Variants in MAMDC2 observed in about 807,000 individuals in gnomAD.
MAMDC2 encodes MAM domain-containing protein 2.
MAMDC2 carries 57 observed loss-of-function variants against 89.8 expected under a neutral mutation model. The observed-to-expected ratio is 0.63, with a 90% CI of 0.51 to 0.79. The LOEUF (loss-of-function observed/expected upper bound fraction) is 0.79. Among genes scored for constraint, MAMDC2 ranks in the 30% least tolerant of loss-of-function variants. The probability of loss-of-function intolerance (pLI) is 0.00; values close to 1 mark genes in which losing one functional copy is unlikely to be tolerated. For missense variants in MAMDC2, 800 were observed against 820.6 expected, an observed-to-expected ratio of 0.97 and a Z score of 0.31; for synonymous variants, 313 against 293.4, an observed-to-expected ratio of 1.07 and a Z score of -0.68.
chr9:70,186,967 A>G (rs2032769922), intron 11 of MAMDC2, among the ~76,000 whole-genome samples: 1 of 152,038 alleles, frequency 6.6e-6, no homozygotes, highest in Non-Finnish European at 1.5e-5. Flanking sequence ...TGACCCAAAC[A>G]TCTCCCACTA....
intron 7 of MAMDC2, among the ~76,000 whole-genome samples, chr9:70,138,031 A>C (rs1409666159): frequency 6.6e-6 from 1 of 152,100 alleles, no homozygotes. Flanking sequence ...CCCATTAAGT[A>C]ATTTCTTACC....
intron 2 of MAMDC2, among the ~76,000 whole-genome samples, chr9:70,082,394 A>C (rs1425105541): frequency 1.3e-5 from 2 of 152,150 alleles, no homozygotes; most frequent in African/African-American, 4.8e-5. Flanking sequence ...TTAGGTAAAA[A>C]AACTCTTTTA....
chr9:70,063,578 TTAGA>T (rs1490570834), intron 2 of MAMDC2, among the ~76,000 whole-genome samples: 2 of 152,216 alleles, frequency 1.3e-5, no homozygotes, highest in African/African-American at 2.4e-5. Context: ...AACTAAGTAT[TTAGA>T]TAGACATCTT....
chr9:70,182,385 G>A lies in MAMDC2; in HGVS notation c.1651+11754G>A, dbSNP rs189254759. On this transcript the variant is annotated intron_variant, in intron 11 of 13. Transcript: ENST00000377182. ...CCGGCCTCATAAAATGAATTAGGGA[G>A]GAGTCTCTCTTTTTCTATTGCTTGG... 1.8e-4 allele frequency among the ~76,000 whole-genome samples: 27 copies of A among 152,228 alleles called. 1 individual carries two copies. The highest frequency in any genetic ancestry group is 2.6e-4 in the Non-Finnish European group (18 of 68,020).
chr9:70,113,270 A>G (rs1442162492), intron 5 of MAMDC2, 138 bp downstream of exon 5: 2 of 924,268 alleles, frequency 2.2e-6, no homozygotes, highest in East Asian at 5.3e-5. Flanking sequence ...ACTAAGTAGG[A>G]ACCAGGAGGT....
Position 70,069,955 on chromosome 9 carries a change from C to T in MAMDC2, c.148+25258C>T, listed in dbSNP as rs529071281. On this transcript the variant is annotated intron_variant, in intron 2 of 13. Coordinates refer to ENST00000377182, the MANE Select transcript of MAMDC2 (RefSeq NM_153267.5). Reference sequence around the variant, plus strand: ...CAGTCTCAATGTGTCTTTTTGCAACCCTGCCTGAAACTGCTCCAAGATCCC... The same window carrying T: ...CAGTCTCAATGTGTCTTTTTGCAACTCTGCCTGAAACTGCTCCAAGATCCC... Among the ~76,000 whole-genome samples the T allele has an allele frequency of 8.5e-5, 13 of 152,196 alleles. No homozygotes were observed. The East Asian group carries it at 2.5e-3, about 29-fold the overall frequency.
chr9:70,185,309 T>G (rs938654500), intron 11 of MAMDC2, among the ~76,000 whole-genome samples: 2 of 152,088 alleles, frequency 1.3e-5, no homozygotes, highest in African/African-American at 4.8e-5. Flanking sequence ...CTGTAAGAGG[T>G]GTCTGTCGGT....
chr9:70,120,222 T>G (rs2030223120), intron 5 of MAMDC2, among the ~76,000 whole-genome samples: 1 of 152,208 alleles, frequency 6.6e-6, no homozygotes, highest in Non-Finnish European at 1.5e-5. Context: ...TGCCTTTAGA[T>G]GTATGCACCA....
chr9:70,194,550 C>T (rs1173229193), intron 11 of MAMDC2: 1 of 152,050 alleles, frequency 6.6e-6, no homozygotes, highest in Non-Finnish European at 1.5e-5. Context: ...TTACCAGCCT[C>T]CAAAACTGTA....
chr9:70,169,395 T>A (rs900594948), intron 10 of MAMDC2, among the ~76,000 whole-genome samples: 1 of 152,206 alleles, frequency 6.6e-6, no homozygotes, highest in Non-Finnish European at 1.5e-5. Context: ...CATTGCATCC[T>A]ACATCATAGG....
chr9:70,069,708 T>C (rs1320559225), intron 2 of MAMDC2, among the ~76,000 whole-genome samples: 1 of 152,184 alleles, frequency 6.6e-6, no homozygotes, highest in East Asian at 1.9e-4. Flanking sequence ...ATATTTAGCA[T>C]TGGTCCCTAT....
intron 2 of MAMDC2, among the ~76,000 whole-genome samples, chr9:70,048,500 T>C (rs1178804421): frequency 6.6e-6 from 1 of 152,154 alleles, no homozygotes; most frequent in Non-Finnish European, 1.5e-5. Flanking sequence ...GATTTCACCA[T>C]GTTGGCCAGG....
intron 11 of MAMDC2, among the ~76,000 whole-genome samples, chr9:70,218,109 A>G (rs2033483153): frequency 6.6e-6 from 1 of 152,236 alleles, no homozygotes; most frequent in Non-Finnish European, 1.5e-5. Context: ...TACCTCTTGT[A>G]TATTAAACTG....
At chr9:70,143,942 C>T in intron 9 of MAMDC2, 123 bp downstream of exon 9, 2 of 1,113,660 alleles carry the variant, frequency 1.8e-6, no homozygotes, top group Non-Finnish European at 2.6e-6. Context: ...TACGGCCTCA[C>T]CCTTACACCC....
At chr9:70,185,717 G>A (rs2032741162) in intron 11 of MAMDC2, among the ~76,000 whole-genome samples, 2 of 152,124 alleles carry the variant, frequency 1.3e-5, no homozygotes, top group African/African-American at 2.4e-5. Flanking sequence ...CAGTAATGAC[G>A]GATGCTCCTC....
chr9:70,200,303 T>C (rs550694970), intron 11 of MAMDC2, among the ~76,000 whole-genome samples: 2 of 148,956 alleles, frequency 1.3e-5, no homozygotes, highest in Admixed American at 6.7e-5. Flanking sequence ...ATTTATTAAA[T>C]AGGGAATCCT....
chr9:70,116,906 A>G (rs1264907431), intron 5 of MAMDC2, among the ~76,000 whole-genome samples: 1 of 151,618 alleles, frequency 6.6e-6, no homozygotes, highest in African/African-American at 2.4e-5. Context: ...CCCTCTCTCT[A>G]TTTTCCCATT....
intron 2 of MAMDC2, among the ~76,000 whole-genome samples, chr9:70,064,269 C>T (rs1287446909): frequency 1.3e-5 from 2 of 151,994 alleles, no homozygotes; most frequent in African/African-American, 2.4e-5. Context: ...CCCCATCACC[C>T]GAGCAGTGTA....
At chr9:70,181,550 T>G (rs2032646635) in intron 11 of MAMDC2, among the ~76,000 whole-genome samples, 1 of 152,176 alleles carries the variant, frequency 6.6e-6, no homozygotes, top group African/African-American at 2.4e-5. Flanking sequence ...TTTGTAGTTC[T>G]TTTTGAAGAG....
Sources: allele counts gnomAD v4.1 joint callset (sites outside exome capture counted in the v4.1 genomes callset), GRCh38; gene constraint gnomAD v4.1.1; transcripts MANE v1.5; gene names NCBI Gene and HGNC (gene_info 2026-07-23, HGNC 2026-07-21).